TOP1MT: variants seen among roughly 807,000 people sequenced by gnomAD.
TOP1MT encodes DNA topoisomerase I, mitochondrial.
In TOP1MT, 80 loss-of-function variants were observed where a neutral mutation model predicts 73.9. The ratio of observed to expected loss-of-function variants is 1.08; its 90% confidence interval spans 0.90 to 1.30. The LOEUF (loss-of-function observed/expected upper bound fraction) is 1.30. Ranked by LOEUF, TOP1MT falls within the 50% of genes most tolerant of loss-of-function variation. TOP1MT has a pLI of 0.00. For missense variants in TOP1MT, 815 were observed against 808.0 expected, an observed-to-expected ratio of 1.01 and a Z score of -0.10; for synonymous variants, 338 against 326.4, an observed-to-expected ratio of 1.04 and a Z score of -0.38.
upstream of TOP1MT, among the ~76,000 whole-genome samples, chr8:143,358,913 C>A (rs1817457385): frequency 6.6e-6 from 1 of 152,240 alleles, no homozygotes; most frequent in Admixed American, 6.5e-5. Context: ...AGAAAGTTTC[C>A]ATTAGCCGGT....
chr8:143,322,681 C>CACACACGCACGCCACACGCACGCA (rs1563759867), intron 7 of TOP1MT, among the ~76,000 whole-genome samples: 1,141 of 59,864 alleles, frequency 0.019, 278 homozygotes, highest in East Asian at 0.03. Flanking sequence ...ACACGCACGC[C>CACACACGCACGCCACACGCACGCA]ACACACGCAC....
chr8:143,323,574 A>C (rs878968809), intron 7 of TOP1MT, among the ~76,000 whole-genome samples: 2 of 39,342 alleles, frequency 5.1e-5, no homozygotes, highest in Non-Finnish European at 1.2e-4. Context: ...CATGCACGCC[A>C]CACACACAGG....
upstream of TOP1MT, among the ~76,000 whole-genome samples, chr8:143,358,292 G>A (rs532667542): frequency 6.6e-5 from 10 of 152,166 alleles, no homozygotes; most frequent in South Asian, 1.0e-3. Context: ...AAGAAGAAAC[G>A]GCAACACCAG....
chr8:143,317,783 C>G lies in TOP1MT; in HGVS notation c.1270G>C (p.Val424Leu). 5.0e-6 allele frequency: 8 copies of G among 1,614,182 alleles called. No individual in the cohort carries two copies. The highest frequency in any genetic ancestry group is 6.8e-6 in the Non-Finnish European group (8 of 1,180,036). Residue 424 changes from valine to leucine, a missense_variant, in exon 10 of 14, where the codon GTG becomes CTG. By Grantham distance (32) the Val-to-Leu change is conservative. This residue lies in a region of TOP1MT where 751 missense variants were observed against 725.4 expected (regional missense o/e 1.04). Coordinates refer to ENST00000329245, the MANE Select transcript of TOP1MT (RefSeq NM_052963.3). ...QELMDGLTAK[V>L]FRTYNASITL... The stretch of plus-strand genomic sequence containing the variant: ...ATGGAGGCGTTGTAGGTCCGGAACA[C>G]CTTGGCCGTCAGCCCGTCCATCAGC...
chr8:143,311,518 C>T (rs569874178), intron 12 of TOP1MT, among the ~76,000 whole-genome samples: 1 of 152,226 alleles, frequency 6.6e-6, no homozygotes, highest in Non-Finnish European at 1.5e-5. Flanking sequence ...GAGGCCGAGG[C>T]GGGTGGATCA....
chr8:143,326,265 T>TA lies in TOP1MT; in HGVS notation c.439_440insT (p.Asp147ValfsTer46). The stretch of plus-strand genomic sequence containing the variant: ...CAGGACTTTCCGGGCTGCGGCCTTG[T>TA]CCACAAAGTATCTGTGGATCTCCGT... On this transcript the variant is annotated frameshift_variant, in exon 4 of 14. Transcript: ENST00000329245. LOFTEE classifies it high-confidence loss of function. The TA allele has an allele frequency of 6.2e-7, 1 of 1,614,024 alleles. No homozygotes were observed. The highest frequency in any genetic ancestry group is 2.2e-5 in the East Asian group (1 of 44,886).
At chr8:143,352,190 A>G (rs1817330804) in intron 1 of TOP1MT, among the ~76,000 whole-genome samples, 1 of 152,262 alleles carries the variant, frequency 6.6e-6, no homozygotes, top group Non-Finnish European at 1.5e-5. Flanking sequence ...CCTGATCCTA[A>G]AATTCACAAG....
rs1018729335 is a variant in TOP1MT at position 143,332,305 on chromosome 8, C to T, written c.123-966G>A. Among the ~76,000 whole-genome samples, 11 of 152,264 alleles carry T rather than the reference C, an allele frequency of 7.2e-5. No homozygotes were observed. In the East Asian group the frequency reaches 1.9e-3, roughly 27 times the overall value. The stretch of plus-strand genomic sequence containing the variant: ...GTGGCTGGCAGGCAGTGGGCAGGCT[C>T]GGTCAGCAGGGCTGCGGGAAGAGCA... On this transcript the variant is annotated intron_variant, in intron 1 of 13. Coordinates refer to ENST00000329245, the MANE Select transcript of TOP1MT (RefSeq NM_052963.3).
chr8:143,324,186 T>C, intron 6 of TOP1MT, 44 bp from the exon 7 acceptor site: 1 of 1,606,114 alleles, frequency 6.2e-7, no homozygotes. Flanking sequence ...CACATTCCTG[T>C]TAAATAACGG....
At chr8:143,351,723 T>A (rs1378313744) in intron 1 of TOP1MT, among the ~76,000 whole-genome samples, 2 of 152,078 alleles carry the variant, frequency 1.3e-5, no homozygotes, top group East Asian at 3.9e-4. Context: ...CAGAAGAAAT[T>A]AAAGACACCC....
upstream of TOP1MT, among the ~76,000 whole-genome samples, chr8:143,336,626 GA>G (rs1210068608): frequency 1.3e-5 from 2 of 152,090 alleles, no homozygotes; most frequent in African/African-American, 4.8e-5. Flanking sequence ...AGATCAGAAA[GA>G]AAGAAGTAAA....
chr8:143,352,783 T>C (rs1202821261), intron 1 of TOP1MT, among the ~76,000 whole-genome samples: 1 of 152,190 alleles, frequency 6.6e-6, no homozygotes, highest in African/African-American at 2.4e-5. Flanking sequence ...CACCACAATG[T>C]CCAGCTGATT....
chr8:143,313,726 G>A (rs1336385527), intron 12 of TOP1MT, among the ~76,000 whole-genome samples: 1 of 151,314 alleles, frequency 6.6e-6, no homozygotes, highest in Non-Finnish European at 1.5e-5. Flanking sequence ...ATGGTGGCGG[G>A]TGCCTGTAAT....
chr8:143,338,550 A>G (rs2450778), upstream of TOP1MT, among the ~76,000 whole-genome samples: 34,807 of 151,792 alleles, frequency 0.23, 7,634 homozygotes, highest in African/African-American at 0.58. Context: ...CTGGGCAACA[A>G]AATGAGACTC....
At chr8:143,359,243 G>GA (rs1214015682), upstream of TOP1MT, 324 of 938,144 alleles carry the variant, frequency 3.5e-4, no homozygotes, top group South Asian at 6.4e-4. Flanking sequence ...CAGACCAAAA[G>GA]AAAAAAAAAC....
chr8:143,342,755 T>G (rs1424846172), intron 2 of TOP1MT, among the ~76,000 whole-genome samples: 2 of 103,762 alleles, frequency 1.9e-5, no homozygotes, highest in Non-Finnish European at 4.4e-5. Context: ...CTGTTATTAT[T>G]ATTAGAGACA....
chr8:143,322,437 ACG>A (rs2130107391), intron 7 of TOP1MT, among the ~76,000 whole-genome samples: 1 of 122,204 alleles, frequency 8.2e-6, no homozygotes, highest in Non-Finnish European at 1.6e-5. Flanking sequence ...TGCACACCAC[ACG>A]CACGCCACAC....
At chr8:143,321,760 CAG>C (rs1443615822) in intron 7 of TOP1MT, among the ~76,000 whole-genome samples, 3 of 134,512 alleles carry the variant, frequency 2.2e-5, no homozygotes, top group Admixed American at 1.5e-4. Flanking sequence ...GCCACAAACA[CAG>C]GCACGCCACA....
Position 143,324,011 on chromosome 8 carries a change from A to G in TOP1MT, c.948T>C (p.Tyr316=), listed in dbSNP as rs772059174. 1 of 1,613,758 alleles carries G rather than the reference A, an allele frequency of 6.2e-7. No individual in the cohort carries two copies. The highest frequency in any genetic ancestry group is 1.1e-5 in the South Asian group (1 of 91,084). ...MKTRQRAVAL[Y]FIDKLALRAG... Reference sequence around the variant, plus strand: ...GAAGGCCGCATACCTTATCGATGAAATACAGGGCCACCGCCCGCTGTCTCG... The same window carrying G: ...GAAGGCCGCATACCTTATCGATGAAGTACAGGGCCACCGCCCGCTGTCTCG... Residue 316 remains tyrosine (Y), a synonymous_variant, in exon 7 of 14, where the codon TAT becomes TAC. Coordinates refer to ENST00000329245, the MANE Select transcript of TOP1MT (RefSeq NM_052963.3).
Sources: gnomAD v4.1 joint callset for allele counts (sites outside exome capture counted in the v4.1 genomes callset) on GRCh38, gnomAD v4.1.1 for gene constraint, gnomAD v4.1.1 regional missense constraint, MANE v1.5 for transcripts, NCBI Gene and HGNC (gene_info 2026-07-23, HGNC 2026-07-21) for gene names.